The following AKAP13 variants were observed in gnomAD, a reference collection of about 807,000 sequenced individuals.
AKAP13 encodes the protein A-kinase anchoring protein 13.
Under a neutral mutation model 264.5 loss-of-function variants are expected in AKAP13, and 80 were observed. The observed-to-expected ratio is 0.30, with a 90% CI of 0.25 to 0.36. The LOEUF (loss-of-function observed/expected upper bound fraction) is 0.36. Ranked by LOEUF, AKAP13 falls within the 10% of genes least tolerant of loss-of-function variation. The probability of loss-of-function intolerance (pLI) is 1.00; values close to 1 mark genes in which losing one functional copy is unlikely to be tolerated. For synonymous variants in AKAP13, 1,380 were observed against 1,250.2 expected (o/e 1.10, Z -2.19); for missense variants, 3,712 against 3,435.2 (o/e 1.08, Z -2.01).
intron 2 of AKAP13, among the ~76,000 whole-genome samples, chr15:85,503,624 C>G (rs906484225): frequency 6.6e-6 from 1 of 152,154 alleles, no homozygotes; most frequent in Non-Finnish European, 1.5e-5. Flanking sequence ...CTGATGGACT[C>G]ATGGAATCAG....
intron 4 of AKAP13, chr15:85,534,936 T>C (rs1375593587): frequency 6.6e-6 from 1 of 152,126 alleles, no homozygotes; most frequent in African/African-American, 2.4e-5. Context: ...ATTGAACGAT[T>C]TGGGAGTCCT....
rs1209122994 is a variant in AKAP13, at chr15:85,399,531, TA to T, written c.-12+18740del. ...AAAAAAAAAAAAAAAAATAAAAAAA[TA>T]AAAAAATAAATAAATAAATAAATAA... On this transcript the variant is annotated intron_variant, in intron 1 of 36. Coordinates refer to ENST00000394518, the MANE Select transcript of AKAP13 (RefSeq NM_007200.5). Among the ~76,000 whole-genome samples the T allele has an allele frequency of 3.8e-5, 4 of 104,988 alleles. No homozygotes were observed. The East Asian group carries it at 6.8e-4, about 18-fold the overall frequency. The allele number at this position is 104,988 out of a possible 152,430, so 68.9% of individuals were successfully genotyped here.
chr15:85,490,101 G>A lies in AKAP13; in HGVS notation c.33+4348G>A, dbSNP rs751023065. On this transcript the variant is annotated intron_variant, in intron 2 of 36. Transcript: ENST00000394518. The stretch of plus-strand genomic sequence containing the variant: ...ATTGCATTTTCAGTTCCATTTAGTG[G>A]TAGTGCTAAAAACTCTGAGTAGCTT... Among the ~76,000 whole-genome samples the A allele has an allele frequency of 1.6e-4, 24 of 152,232 alleles. 1 individual carries two copies. The highest frequency in any genetic ancestry group is 3.2e-4 in the Non-Finnish European group (22 of 68,032).
At chr15:85,475,926 T>G (rs1041736325) in intron 1 of AKAP13, among the ~76,000 whole-genome samples, 1 of 152,166 alleles carries the variant, frequency 6.6e-6, no homozygotes, top group Non-Finnish European at 1.5e-5. Flanking sequence ...TGCTGTGGCA[T>G]GAGCAGTAGT....
intron 16 of AKAP13, among the ~76,000 whole-genome samples, chr15:85,687,443 A>G (rs2085002375): frequency 6.6e-6 from 1 of 152,218 alleles, no homozygotes; most frequent in African/African-American, 2.4e-5. Flanking sequence ...TTTTAGTATC[A>G]GTTGACCTCT....
At chr15:85,529,154 G>A (rs546147426) in intron 3 of AKAP13, among the ~76,000 whole-genome samples, 22 of 152,246 alleles carry the variant, frequency 1.4e-4, no homozygotes, top group African/African-American at 4.8e-4. Flanking sequence ...GGCCAGGCAC[G>A]GTGTAAGGTG....
rs934438568 is a variant in AKAP13 at position 85,741,444 on chromosome 15, C to T, written c.8007C>T (p.Arg2669=). The T allele has an allele frequency of 1.9e-6, 3 of 1,608,424 alleles. No homozygotes were observed. Among genetic ancestry groups the T allele is most frequent in the African/African-American group, 2.7e-5 (2 of 74,808 alleles). ...KQLEREQEQL[R]REAERLSQRQ... is the part of the protein sequence containing the mutation. Reference sequence around the variant, plus strand: ...TTGAGAGGGAACAGGAGCAGCTGCGCCGGGAGGCAGAGCGGCTCAGCCAGC... The same window carrying T: ...TTGAGAGGGAACAGGAGCAGCTGCGTCGGGAGGCAGAGCGGCTCAGCCAGC... The change falls in exon 35 of 37, where the codon CGC becomes CGT. Residue 2669 remains arginine (R), a synonymous_variant. Transcript: ENST00000394518.
chr15:85,482,270 G>A (rs1000228990), intron 1 of AKAP13, among the ~76,000 whole-genome samples: 7 of 152,052 alleles, frequency 4.6e-5, no homozygotes, highest in African/African-American at 1.7e-4. Flanking sequence ...CCTTCCCTCA[G>A]CACCATGTTT....
At chr15:85,412,871 A>C (rs1298700686) in intron 1 of AKAP13, among the ~76,000 whole-genome samples, 1 of 152,216 alleles carries the variant, frequency 6.6e-6, no homozygotes, top group East Asian at 1.9e-4. Flanking sequence ...TGCACTGAAC[A>C]CCGTACCTAT....
At chr15:85,643,923 G>C (rs2082425399) in intron 9 of AKAP13, among the ~76,000 whole-genome samples, 1 of 152,216 alleles carries the variant, frequency 6.6e-6, no homozygotes, top group Non-Finnish European at 1.5e-5. Flanking sequence ...ACAGTCCCGA[G>C]GGTGTGGTCT....
At chr15:85,545,495 A>G (rs2077704034) in intron 5 of AKAP13, among the ~76,000 whole-genome samples, 1 of 152,232 alleles carries the variant, frequency 6.6e-6, no homozygotes, top group Non-Finnish European at 1.5e-5. Context: ...CTTTAAAAGT[A>G]CTACTTCTGT....
chr15:85,402,345 G>A (rs1467184317), intron 1 of AKAP13, among the ~76,000 whole-genome samples: 1 of 152,208 alleles, frequency 6.6e-6, no homozygotes, highest in African/African-American at 2.4e-5. Context: ...ACTGAAATAT[G>A]TTGAAAGTGC....
intron 1 of AKAP13, among the ~76,000 whole-genome samples, chr15:85,446,206 G>A (rs2073893544): frequency 1.3e-5 from 2 of 152,114 alleles, no homozygotes; most frequent in African/African-American, 2.4e-5. Flanking sequence ...GAAGTTGTGG[G>A]GCAGTTGAAC....
intron 1 of AKAP13, among the ~76,000 whole-genome samples, chr15:85,450,875 T>C (rs2074061802): frequency 6.6e-6 from 1 of 152,222 alleles, no homozygotes; most frequent in African/African-American, 2.4e-5. Context: ...TCAGATCCAT[T>C]TGGTTCAACG....
chr15:85,708,053 A>G lies in AKAP13; in HGVS notation c.5499A>G (p.Glu1833=). The G allele has an allele frequency of 6.2e-7, 1 of 1,613,974 alleles. No homozygotes were observed. The highest frequency in any genetic ancestry group is 2.2e-5 in the East Asian group (1 of 44,874). ...CTTTTGTCCACAAAGGCTGCCGAGA[A>G]AGTCTAGCCTCCTGTGCAAAGGTCA... ...CSAFVHKGCR[E]SLASCAKVKM... is the part of the protein sequence containing the mutation. The change falls in exon 18 of 37, where the codon GAA becomes GAG. Residue 1833 remains glutamate, a synonymous_variant. Coordinates refer to ENST00000394518, the MANE Select transcript of AKAP13 (RefSeq NM_007200.5). This position sits in a 1 kb window ranked among gnomAD's most constrained non-coding sequence, Gnocchi z 4.3.
chr15:85,700,322 A>G (rs1178615668), intron 17 of AKAP13, among the ~76,000 whole-genome samples: 2 of 152,214 alleles, frequency 1.3e-5, no homozygotes, highest in Non-Finnish European at 2.9e-5. Context: ...ACATGATAGA[A>G]ATTCTCTTTT....
At position 85,533,584 on chromosome 15, in the gene AKAP13, G is replaced by C. The variant is rs763430032; in HGVS notation, c.182G>C (p.Gly61Ala). 63 of 1,604,254 alleles carry C rather than the reference G, an allele frequency of 3.9e-5. No individual in the cohort carries two copies. The highest frequency in any genetic ancestry group is 5.0e-5 in the Non-Finnish European group (59 of 1,174,652). Residue 61 changes from glycine (G) to alanine (A), a missense_variant and splice_region_variant, in exon 4 of 37, where the codon GGT becomes GCT. Transcript: ENST00000394518. The part of the protein sequence containing the change: ...SSDTLETIAP[G>A]HDCCETVKVQ... ...TATTTGCTGCCTGTGTTTCCTTTAG[G>C]TCATGATTGTTGTGAAACAGTGAAG...
At chr15:85,401,051 T>C (rs1052331479) in intron 1 of AKAP13, among the ~76,000 whole-genome samples, 3 of 151,938 alleles carry the variant, frequency 2.0e-5, no homozygotes, top group African/African-American at 7.2e-5. Context: ...TATTGGAGAT[T>C]GGGTTTTACC....
At chr15:85,619,685 TC>T in intron 8 of AKAP13, 1 of 991,256 alleles carries the variant, frequency 1.0e-6, no homozygotes. Flanking sequence ...TGGGTTTTTT[TC>T]CCTACGTGTA....
Sources: allele counts gnomAD v4.1 joint callset (sites outside exome capture counted in the v4.1 genomes callset), GRCh38; gene constraint gnomAD v4.1.1; non-coding constraint Gnocchi (gnomAD v3.1); transcripts MANE v1.5; gene names NCBI Gene and HGNC (gene_info 2026-07-23, HGNC 2026-07-21).